Variants in EEPD1 observed in about 807,000 individuals in gnomAD.
The protein encoded by EEPD1 is endonuclease/exonuclease/phosphatase family domain-containing protein 1.
In EEPD1, 17 loss-of-function variants were observed where a neutral mutation model predicts 46.3. That is an observed-to-expected ratio of 0.37 (90% CI 0.25 to 0.55). The LOEUF is 0.55. Among genes scored for constraint, EEPD1 ranks in the 20% least tolerant of loss-of-function variants. EEPD1 has a pLI of 0.83. For synonymous variants in EEPD1, 313 were observed against 315.6 expected (o/e 0.99, Z 0.09); for missense variants, 673 against 745.6 (o/e 0.90, Z 1.13).
chr7:36,286,437 C>T (rs766531342), intron 5 of EEPD1, among the ~76,000 whole-genome samples: 3 of 152,212 alleles, frequency 2.0e-5, no homozygotes, highest in African/African-American at 4.8e-5. Context: ...TGGGGGCTTC[C>T]CCTATACCCC....
intron 2 of EEPD1, among the ~76,000 whole-genome samples, chr7:36,207,044 G>A (rs539261109): frequency 6.6e-6 from 1 of 152,194 alleles, no homozygotes; most frequent in African/African-American, 2.4e-5. Context: ...GTGAGACTCT[G>A]TCTCAAAAAC....
At chr7:36,173,500 A>G (rs891989489) in intron 2 of EEPD1, among the ~76,000 whole-genome samples, 3 of 151,108 alleles carry the variant, frequency 2.0e-5, no homozygotes, top group African/African-American at 7.3e-5. Flanking sequence ...TCCGTCTTAA[A>G]AAAAAAAAAA....
chr7:36,214,053 A>G (rs909473175), intron 2 of EEPD1, among the ~76,000 whole-genome samples: 1 of 152,178 alleles, frequency 6.6e-6, no homozygotes, highest in Non-Finnish European at 1.5e-5. Context: ...GACAGCAGAC[A>G]CCAGTGCCAA....
chr7:36,165,991 T>G (rs1017784014), intron 2 of EEPD1, among the ~76,000 whole-genome samples: 2 of 152,224 alleles, frequency 1.3e-5, no homozygotes, highest in Admixed American at 1.3e-4. Flanking sequence ...AACCGATGAA[T>G]ACTGTAAACG....
At chr7:36,207,773 G>A (rs537054082) in intron 2 of EEPD1, among the ~76,000 whole-genome samples, 20 of 151,770 alleles carry the variant, frequency 1.3e-4, no homozygotes, top group Admixed American at 1.2e-3. Context: ...CTTGAAGTCT[G>A]TTTATAAAGT....
chr7:36,219,975 A>G (rs938332946), intron 2 of EEPD1, among the ~76,000 whole-genome samples: 2 of 152,162 alleles, frequency 1.3e-5, no homozygotes, highest in East Asian at 3.9e-4. Flanking sequence ...TCCATCCCAC[A>G]TGGCCTGAGC....
intron 3 of EEPD1, among the ~76,000 whole-genome samples, chr7:36,242,216 G>C (rs1786566056): frequency 6.6e-6 from 1 of 152,122 alleles, no homozygotes; most frequent in Non-Finnish European, 1.5e-5. Flanking sequence ...TCACATAAAG[G>C]ACTGCAACAC....
chr7:36,236,414 G>A (rs1192686433), intron 2 of EEPD1, among the ~76,000 whole-genome samples: 4 of 152,216 alleles, frequency 2.6e-5, no homozygotes, highest in Admixed American at 2.6e-4. Context: ...GCTGAATCCC[G>A]TGCGTGGACC....
At position 36,275,509 on chromosome 7, in the gene EEPD1, C is replaced by T. The variant is rs573766555; in HGVS notation, c.931-5606C>T. 2.2e-4 allele frequency among the ~76,000 whole-genome samples: 34 copies of T among 152,184 alleles called. No homozygotes were observed. In the South Asian group the frequency reaches 6.6e-3, roughly 30 times the overall value. On this transcript the variant is annotated intron_variant, in intron 3 of 7. Transcript: ENST00000242108. ...TCACCCAGGATGGAGTGTAGTGGCG[C>T]GATCTCGGCTCACTGCAACCTCCAC...
chr7:36,217,832 G>A (rs1786056611), intron 2 of EEPD1, among the ~76,000 whole-genome samples: 1 of 152,174 alleles, frequency 6.6e-6, no homozygotes, highest in African/African-American at 2.4e-5. Context: ...GGCCTAAAAG[G>A]AAGAGAAACC....
chr7:36,274,358 G>A (rs1333548795), intron 3 of EEPD1, among the ~76,000 whole-genome samples: 2 of 152,232 alleles, frequency 1.3e-5, no homozygotes, highest in Non-Finnish European at 2.9e-5. Context: ...GACCTCAGCA[G>A]AGAGTGTATT....
intron 2 of EEPD1, among the ~76,000 whole-genome samples, chr7:36,206,076 C>T (rs1045325406): frequency 6.6e-6 from 1 of 152,186 alleles, no homozygotes; most frequent in Non-Finnish European, 1.5e-5. Context: ...CCCAGCCCCA[C>T]CCACAGAAGC....
intron 2 of EEPD1, among the ~76,000 whole-genome samples, chr7:36,167,994 A>G (rs1182177167): frequency 6.6e-6 from 1 of 152,110 alleles, no homozygotes; most frequent in African/African-American, 2.4e-5. Flanking sequence ...TGTGAAGCCA[A>G]CCCAAGTGGG....
At chr7:36,260,231 T>A (rs1443521612) in intron 3 of EEPD1, among the ~76,000 whole-genome samples, 2 of 152,240 alleles carry the variant, frequency 1.3e-5, no homozygotes, top group Non-Finnish European at 2.9e-5. Context: ...TTGGGTTTCT[T>A]ATCAGGCAGG....
chr7:36,268,513 T>C (rs1787057934), intron 3 of EEPD1, among the ~76,000 whole-genome samples: 4 of 152,196 alleles, frequency 2.6e-5, no homozygotes. Context: ...CACCAGAGAA[T>C]GTTACCAACC....
At chr7:36,219,804 AGAGT>A (rs1331019547) in intron 2 of EEPD1, among the ~76,000 whole-genome samples, 44 of 87,658 alleles carry the variant, frequency 5.0e-4, no homozygotes, top group Middle Eastern at 8.1e-3. Flanking sequence ...AGAGAGAGAG[AGAGT>A]GTGTGTGTGT....
chr7:36,197,538 C>T (rs1020713349), intron 2 of EEPD1, among the ~76,000 whole-genome samples: 1 of 152,224 alleles, frequency 6.6e-6, no homozygotes, highest in East Asian at 1.9e-4. Context: ...AAGAGGTAGA[C>T]ATGGGAGACT....
intron 2 of EEPD1, among the ~76,000 whole-genome samples, chr7:36,236,002 G>T (rs1286008454): frequency 6.7e-6 from 1 of 149,134 alleles, no homozygotes; most frequent in African/African-American, 2.5e-5. Flanking sequence ...TCTGCTCACT[G>T]CAGCCTCGAC....
intron 2 of EEPD1, among the ~76,000 whole-genome samples, chr7:36,217,220 A>G (rs1373664255): frequency 6.6e-6 from 1 of 152,276 alleles, no homozygotes; most frequent in African/African-American, 2.4e-5. Flanking sequence ...TGTGCTAAAC[A>G]AGGGGAGGAT....
Sources: gnomAD v4.1 joint callset for allele counts (sites outside exome capture counted in the v4.1 genomes callset) on GRCh38, gnomAD v4.1.1 for gene constraint, MANE v1.5 for transcripts, NCBI Gene and HGNC (gene_info 2026-07-23, HGNC 2026-07-21) for gene names.